TXNDC9: variants seen among roughly 807,000 people sequenced by gnomAD.
TXNDC9 encodes thioredoxin domain-containing protein 9.
A neutral mutation model predicts 23.0 loss-of-function variants in TXNDC9; 7 were observed. That is an observed-to-expected ratio of 0.30 (90% confidence interval 0.17 to 0.57). TXNDC9 has a LOEUF of 0.57. TXNDC9 is among the 20% of genes least tolerant of loss of function. TXNDC9 has a pLI of 0.90. For missense variants in TXNDC9, 198 were observed against 252.6 expected (o/e 0.78, Z 1.47); for synonymous variants, 72 against 90.6 (o/e 0.79, Z 1.17).
At chr2:99,308,710 A>G in the TXNDC9 span, among the ~76,000 whole-genome samples, 6 of 152,138 alleles carry the variant, frequency 3.9e-5, no homozygotes, top group Admixed American at 3.9e-4. Context: ...CATTTTTAAA[A>G]TAAAATAATT....
At chr2:99,335,657 C>T (rs941354713) in intron 1 of TXNDC9, among the ~76,000 whole-genome samples, 9 of 152,088 alleles carry the variant, frequency 5.9e-5, no homozygotes, top group Non-Finnish European at 1.2e-4. Context: ...CTGAATTGAA[C>T]GTTGGAAGCT....
chr2:99,318,600 G>A (rs974627688), downstream of TXNDC9, among the ~76,000 whole-genome samples: 5 of 152,254 alleles, frequency 3.3e-5, no homozygotes, highest in Middle Eastern at 6.8e-3. Context: ...GGGGGAAAGG[G>A]GTGATATAAC....
chr2:99,322,488 G>T, intron 3 of TXNDC9: 1 of 1,397,688 alleles, frequency 7.2e-7, no homozygotes, highest in South Asian at 1.7e-5. Flanking sequence ...CATAAAGGAA[G>T]TTGTCCTATC....
intron 3 of TXNDC9, among the ~76,000 whole-genome samples, chr2:99,323,875 T>C (rs530819829): frequency 6.6e-6 from 1 of 152,316 alleles, no homozygotes; most frequent in South Asian, 2.1e-4. Context: ...AGTTGGACTC[T>C]CACTCTGTCA....
the TXNDC9 span, among the ~76,000 whole-genome samples, chr2:99,307,030 CTT>C: frequency 3.3e-5 from 2 of 59,818 alleles, no homozygotes; most frequent in African/African-American, 5.7e-5. Context: ...TTCCTTCCTT[CTT>C]CCTTTTCTTT....
At chr2:99,335,255 T>C (rs2094235904) in intron 1 of TXNDC9, among the ~76,000 whole-genome samples, 2 of 152,236 alleles carry the variant, frequency 1.3e-5, no homozygotes, top group Admixed American at 6.5e-5. Context: ...ACACAGATTC[T>C]GACCCACACA....
the TXNDC9 span, among the ~76,000 whole-genome samples, chr2:99,312,230 C>G: frequency 6.6e-6 from 1 of 152,146 alleles, no homozygotes; most frequent in Non-Finnish European, 1.5e-5. Context: ...CATTTTCCCA[C>G]TAAAATATTT....
At chr2:99,330,290 CAAAA>C (rs528602849) in intron 2 of TXNDC9, among the ~76,000 whole-genome samples, 23 of 28,162 alleles carry the variant, frequency 8.2e-4, no homozygotes, top group East Asian at 4.7e-3. Context: ...ACTCTTATCT[CAAAA>C]AAAAAAAAAA....
At chr2:99,335,250 G>A (rs922485559) in intron 1 of TXNDC9, among the ~76,000 whole-genome samples, 1 of 152,190 alleles carries the variant, frequency 6.6e-6, no homozygotes, top group African/African-American at 2.4e-5. Flanking sequence ...TTCTGACACA[G>A]ATTCTGACCC....
At chr2:99,318,794 C>T (rs1439854830), downstream of TXNDC9, among the ~76,000 whole-genome samples, 1 of 152,100 alleles carries the variant, frequency 6.6e-6, no homozygotes, top group East Asian at 1.9e-4. Context: ...AGTGCCAAAC[C>T]TCTTGGCTAC....
chr2:99,335,295 A>C (rs2094236027), intron 1 of TXNDC9, among the ~76,000 whole-genome samples: 1 of 152,210 alleles, frequency 6.6e-6, no homozygotes, highest in Non-Finnish European at 1.5e-5. Flanking sequence ...GCTGAAGAGA[A>C]ATATTCTTGC....
Position 99,333,148 on chromosome 2 carries a change from A to G in TXNDC9, c.63T>C (p.Thr21=). 1 of 1,614,182 alleles carries G rather than the reference A, an allele frequency of 6.2e-7. No individual in the cohort carries two copies. The highest frequency in any genetic ancestry group is 8.5e-7 in the Non-Finnish European group (1 of 1,180,020). The part of the protein sequence containing the change: ...SKVLEHQLLQ[T]TKLVEEHLDS... ...CCAAATGTTCTTCCACCAGTTTGGT[A>G]GTCTGAAGCAGCTGATGCTCCAGGA... The change falls in exon 2 of 5, where the codon ACT becomes ACC. Residue 21 remains threonine (T), a synonymous_variant. Transcript: ENST00000264255.
rs1008177123 is a variant in TXNDC9 at position 99,319,449 on chromosome 2, C to G, written c.*233G>C. The stretch of plus-strand genomic sequence containing the variant: ...AATCATATTGTGATAAAGTCAATCT[C>G]AAAAATAGAGAATCCAGACCCTTCC... On this transcript the variant is annotated 3_prime_UTR_variant, in exon 5 of 5. Coordinates refer to ENST00000264255, the MANE Select transcript of TXNDC9 (RefSeq NM_005783.4). 4 of 363,552 alleles carry G rather than the reference C, an allele frequency of 1.1e-5. No individual in the cohort carries two copies. The highest frequency in any genetic ancestry group is 6.4e-5 in the African/African-American group (3 of 46,826). 22.5% of individuals were successfully genotyped at this position (363,552 alleles called of 1,614,324 possible). A position where few individuals can be genotyped will look rare whatever the true frequency, so the allele number is the denominator to read the frequency against.
At chr2:99,323,226 G>A (rs969713117) in intron 3 of TXNDC9, among the ~76,000 whole-genome samples, 1 of 151,744 alleles carries the variant, frequency 6.6e-6, no homozygotes, top group Non-Finnish European at 1.5e-5. Context: ...AGCCAACACG[G>A]TGAAACCCTG....
chr2:99,316,949 G>A (rs370266395), downstream of TXNDC9, among the ~76,000 whole-genome samples: 1 of 152,110 alleles, frequency 6.6e-6, no homozygotes, highest in Admixed American at 6.6e-5. Context: ...GTAGAGACGG[G>A]GTTTCACGGT....
Position 99,327,585 on chromosome 2 carries a change from G to T in TXNDC9, c.258C>A (p.Val86=). The stretch of plus-strand genomic sequence containing the variant: ...GGCAAACCACATTTTCACTCTCCTT[G>T]ACTTCTTGAAAAAAGTCTCTTTCAC... The part of the protein sequence containing the change: ...IPSERDFFQE[V]KESENVVCHF... The change falls in exon 3 of 5, where the codon GTC becomes GTA. Residue 86 remains valine (V), a synonymous_variant. Coordinates refer to ENST00000264255, the MANE Select transcript of TXNDC9 (RefSeq NM_005783.4). The T allele has an allele frequency of 6.2e-7, 1 of 1,613,440 alleles. No homozygotes were observed. Among genetic ancestry groups the T allele is most frequent in the African/African-American group, 1.3e-5 (1 of 74,926 alleles).
At chr2:99,326,497 GATTT>G (rs1328468945) in intron 3 of TXNDC9, among the ~76,000 whole-genome samples, 2 of 152,170 alleles carry the variant, frequency 1.3e-5, no homozygotes, top group African/African-American at 4.8e-5. Flanking sequence ...CAAGTTTTCT[GATTT>G]TTTAAAGAAA....
intron 1 of TXNDC9, 27 bp downstream of exon 1, chr2:99,336,212 G>T: frequency 1.0e-6 from 1 of 985,400 alleles, no homozygotes; most frequent in Non-Finnish European, 1.2e-6. Flanking sequence ...GTGGTGGTCG[G>T]ATTCTTCTCA....
At chr2:99,322,804 C>G in intron 3 of TXNDC9, 2 of 1,109,988 alleles carry the variant, frequency 1.8e-6, no homozygotes, top group South Asian at 2.7e-5. Context: ...CCCTGTCCCC[C>G]AGGCTGGAGT....
Sources: gnomAD v4.1 joint callset for allele counts (sites outside exome capture counted in the v4.1 genomes callset) on GRCh38, gnomAD v4.1.1 for gene constraint, MANE v1.5 for transcripts, NCBI Gene and HGNC (gene_info 2026-07-23, HGNC 2026-07-21) for gene names.